The following ARFGEF1 variants were observed in gnomAD, a reference collection of about 807,000 sequenced individuals.
The protein encoded by ARFGEF1 is brefeldin A-inhibited guanine nucleotide-exchange protein 1.
A neutral mutation model predicts 231.0 loss-of-function variants in ARFGEF1; 42 were observed. The ratio of observed to expected loss-of-function variants is 0.18; its 90% CI spans 0.14 to 0.24. The LOEUF is 0.24. Among genes scored for constraint, ARFGEF1 ranks in the 10% least tolerant of loss-of-function variants. The pLI, the probability that ARFGEF1 is intolerant of heterozygous loss-of-function variation, is 1.00. For synonymous variants in ARFGEF1, 710 were observed against 732.3 expected (o/e 0.97, Z 0.49); for missense variants, 1,345 against 2,192.0 (o/e 0.61, Z 7.72).
downstream of ARFGEF1, among the ~76,000 whole-genome samples, chr8:67,194,287 TA>T (rs1439597232): frequency 3.9e-5 from 6 of 152,224 alleles, no homozygotes; most frequent in Non-Finnish European, 8.8e-5. Context: ...AAATACTCTT[TA>T]GTCTGTTAAT....
At chr8:67,273,403 GT>G (rs1177832210) in intron 9 of ARFGEF1, among the ~76,000 whole-genome samples, 64 of 62,362 alleles carry the variant, frequency 1.0e-3, no homozygotes, top group Admixed American at 6.6e-3. Flanking sequence ...CTAGCAGTTG[GT>G]TTTTTTTTTT....
intron 5 of ARFGEF1, among the ~76,000 whole-genome samples, chr8:67,186,631 T>C (rs1834688371): frequency 6.6e-6 from 1 of 152,204 alleles, no homozygotes. Flanking sequence ...AGGATGTCCT[T>C]TCTCACCACT....
intron 35 of ARFGEF1, among the ~76,000 whole-genome samples, chr8:67,203,849 G>C (rs534687789): frequency 6.6e-6 from 1 of 152,286 alleles, no homozygotes; most frequent in African/African-American, 2.4e-5. Flanking sequence ...AAACGTACCA[G>C]ACTTCCTGCA....
chr8:67,261,412 C>A (rs543878719), intron 14 of ARFGEF1, among the ~76,000 whole-genome samples: 1 of 152,148 alleles, frequency 6.6e-6, no homozygotes, highest in Non-Finnish European at 1.5e-5. Flanking sequence ...GAATTACATG[C>A]TAAATCTACT....
intron 29 of ARFGEF1, among the ~76,000 whole-genome samples, chr8:67,224,596 C>T (rs1311194956): frequency 6.6e-6 from 1 of 152,022 alleles, no homozygotes; most frequent in East Asian, 1.9e-4. Context: ...CTAACTTCAA[C>T]TTATTATTGG....
At chr8:67,184,556 C>T (rs911269324) in intron 5 of ARFGEF1, among the ~76,000 whole-genome samples, 2 of 150,566 alleles carry the variant, frequency 1.3e-5, no homozygotes, top group Non-Finnish European at 3.0e-5. Context: ...TGGTCAACAT[C>T]TCTACTAAAA....
intron 29 of ARFGEF1, among the ~76,000 whole-genome samples, chr8:67,220,896 T>C (rs1207263655): frequency 1.5e-5 from 2 of 129,686 alleles, no homozygotes; most frequent in African/African-American, 6.6e-5. Context: ...TTTTTCCTTT[T>C]CTTTTTTTTT....
intron 7 of ARFGEF1, among the ~76,000 whole-genome samples, chr8:67,279,662 T>A (rs1805455770): frequency 6.6e-6 from 1 of 152,218 alleles, no homozygotes; most frequent in Non-Finnish European, 1.5e-5. Context: ...CTTTTTAGAC[T>A]TTGAAGCCAC....
At chr8:67,265,659 T>G (rs546048534) in intron 14 of ARFGEF1, among the ~76,000 whole-genome samples, 18 of 152,304 alleles carry the variant, frequency 1.2e-4, no homozygotes, top group African/African-American at 4.3e-4. Flanking sequence ...TACTGATAGC[T>G]ATTAGAAGTT....
rs1271791338 is a variant in ARFGEF1, at chr8:67,187,010, T to TA, written c.561-11439dup. On this transcript the variant is annotated intron_variant, in intron 5 of 5. Coordinates refer to the ARFGEF1 transcript ENST00000518789. Reference sequence around the variant, plus strand: ...CTATCTATCTATCTATCTATCTATCTATCTAATCTATCTATCTAGAACTGC... The same window carrying TA: ...CTATCTATCTATCTATCTATCTATCTAATCTAATCTATCTATCTAGAACTGC... 1.7e-3 allele frequency among the ~76,000 whole-genome samples: 257 copies of TA among 150,840 alleles called. 1 individual carries two copies. The highest frequency in any genetic ancestry group is 6.0e-3 in the African/African-American group (246 of 40,886).
Position 67,228,204 on chromosome 8 carries a change from GAATA to G in ARFGEF1, c.3421+16_3421+19del, listed in dbSNP as rs767589052. On this transcript the variant is annotated intron_variant, in intron 24 of 38. Coordinates refer to ENST00000262215, the MANE Select transcript of ARFGEF1 (RefSeq NM_006421.5). Reference sequence around the variant, plus strand: ...TTAGCCCCAAGCCAGTTCCGAAGTAGAATAAATGCCCATACTTACCAATGGCATT... The same window carrying G: ...TTAGCCCCAAGCCAGTTCCGAAGTAGAATGCCCATACTTACCAATGGCATT... 8.7e-6 allele frequency: 14 copies of G among 1,609,528 alleles called. No individual in the cohort carries two copies. The South Asian group carries it at 1.3e-4, about 15-fold the overall frequency.
intron 7 of ARFGEF1, among the ~76,000 whole-genome samples, chr8:67,283,626 A>C (rs774285634): frequency 7.9e-5 from 12 of 152,196 alleles, no homozygotes; most frequent in Non-Finnish European, 1.8e-4. Context: ...ACAGAATCCT[A>C]ATACATAAAG....
At chr8:67,307,786 T>C (rs1806819096) in intron 1 of ARFGEF1, among the ~76,000 whole-genome samples, 4 of 152,190 alleles carry the variant, frequency 2.6e-5, no homozygotes, top group Non-Finnish European at 5.9e-5. Flanking sequence ...TTCTTCTACA[T>C]AGTGACCTTG....
At chr8:67,241,555 A>G (rs905627221) in intron 19 of ARFGEF1, among the ~76,000 whole-genome samples, 2 of 152,350 alleles carry the variant, frequency 1.3e-5, no homozygotes, top group Non-Finnish European at 1.5e-5. Context: ...TATCCAGGCA[A>G]TAGTTAAACT....
At chr8:67,245,121 T>A (rs936000713) in intron 19 of ARFGEF1, among the ~76,000 whole-genome samples, 1 of 150,644 alleles carries the variant, frequency 6.6e-6, no homozygotes, top group Non-Finnish European at 1.5e-5. Flanking sequence ...ATAGTACATA[T>A]CTGGTGAAAC....
At chr8:67,300,923 G>A (rs572437237) in intron 3 of ARFGEF1, among the ~76,000 whole-genome samples, 15 of 151,756 alleles carry the variant, frequency 9.9e-5, no homozygotes, top group African/African-American at 2.9e-4. Context: ...TCGGCAGCAG[G>A]TTAAAAGTAT....
intron 29 of ARFGEF1, among the ~76,000 whole-genome samples, chr8:67,222,349 T>G (rs1352527349): frequency 6.6e-6 from 1 of 150,376 alleles, no homozygotes; most frequent in Admixed American, 6.6e-5. Context: ...CACTGCAACC[T>G]CCGCCTCCTG....
intron 19 of ARFGEF1, 128 bp from the exon 20 acceptor site, chr8:67,240,418 C>A: frequency 2.2e-6 from 2 of 912,914 alleles, no homozygotes; most frequent in South Asian, 3.9e-5. Flanking sequence ...AGAAAGCTTT[C>A]TTAAACAAAG....
intron 9 of ARFGEF1, 124 bp downstream of exon 9, chr8:67,275,852 C>T: frequency 8.1e-7 from 1 of 1,228,834 alleles, no homozygotes; most frequent in Non-Finnish European, 1.1e-6. Context: ...TACCTCCCCT[C>T]CACCCAATTT....
Sources: allele counts gnomAD v4.1 joint callset (sites outside exome capture counted in the v4.1 genomes callset), GRCh38; gene constraint gnomAD v4.1.1; transcripts MANE v1.5; gene names NCBI Gene and HGNC (gene_info 2026-07-23, HGNC 2026-07-21).